LHFPL3: variants seen among roughly 807,000 people sequenced by gnomAD.
LHFPL3 encodes the protein LHFPL tetraspan subfamily member 3 protein.
In LHFPL3, 5 loss-of-function variants were observed where a neutral mutation model predicts 19.3. That is an observed-to-expected ratio of 0.26 (90% CI 0.14 to 0.54). LHFPL3 has a LOEUF of 0.54. LHFPL3 is among the 20% of genes least tolerant of loss of function. The pLI is 0.94. For missense variants in LHFPL3, 249 were observed against 307.4 expected, an observed-to-expected ratio of 0.81 and a Z score of 1.42; for synonymous variants, 133 against 126.2, an observed-to-expected ratio of 1.05 and a Z score of -0.36.
At chr7:104,689,344 G>A (rs1170548757) in intron 1 of LHFPL3, among the ~76,000 whole-genome samples, 1 of 152,200 alleles carries the variant, frequency 6.6e-6, no homozygotes, top group Non-Finnish European at 1.5e-5. Flanking sequence ...CTCCTGTAGA[G>A]CTCAGGCATT....
chr7:104,418,508 G>A (rs1289688216), intron 1 of LHFPL3, among the ~76,000 whole-genome samples: 2 of 152,072 alleles, frequency 1.3e-5, no homozygotes, highest in Non-Finnish European at 2.9e-5. Flanking sequence ...CTCCAGCCTG[G>A]GCAACAGAGT....
At position 104,522,943 on chromosome 7, in the gene LHFPL3, C is replaced by T. The variant is rs1003242260; in HGVS notation, c.445+193719C>T. ...GAGTTTGTGGAAGTAACAGGGTCAT[C>T]TGCTGTCTGTCTCTCTCTCTATATA... is the stretch of plus-strand genomic sequence containing the variant. On this transcript the variant is annotated intron_variant, in intron 1 of 2. Transcript: ENST00000424859. Among the ~76,000 whole-genome samples the T allele has an allele frequency of 5.3e-5, 8 of 151,208 alleles. No individual in the cohort carries two copies. In the South Asian group the frequency reaches 1.3e-3, roughly 24 times the overall value.
At chr7:104,530,726 G>A (rs917891839) in intron 1 of LHFPL3, among the ~76,000 whole-genome samples, 10 of 152,152 alleles carry the variant, frequency 6.6e-5, no homozygotes, top group Non-Finnish European at 1.0e-4. Flanking sequence ...ATTTAACAGC[G>A]TATTGTGCAG....
chr7:104,807,290 C>T (rs1298929343), intron 2 of LHFPL3, among the ~76,000 whole-genome samples: 2 of 152,030 alleles, frequency 1.3e-5, no homozygotes, highest in Non-Finnish European at 2.9e-5. Context: ...CAAGGAATGC[C>T]AGAGAGTGCC....
chr7:104,733,129 G>A lies in LHFPL3; in HGVS notation c.446-3546G>A, dbSNP rs978910580. 4.9e-4 allele frequency among the ~76,000 whole-genome samples: 75 copies of A among 152,286 alleles called. 1 individual carries two copies. The highest frequency in any genetic ancestry group is 1.8e-3 in the African/African-American group (75 of 41,552). ...TCTGTTCTTTTACATTTGCTGAGGA[G>A]TGCTTTACTTCCAACTATGTGGTCA... On this transcript the variant is annotated intron_variant, in intron 1 of 2. Coordinates refer to ENST00000424859, the MANE Select transcript of LHFPL3 (RefSeq NM_199000.3).
At chr7:104,334,466 G>A (rs1196339065) in intron 1 of LHFPL3, among the ~76,000 whole-genome samples, 1 of 152,200 alleles carries the variant, frequency 6.6e-6, no homozygotes, top group African/African-American at 2.4e-5. Flanking sequence ...CGAATCACTT[G>A]AACCCGCAAG....
intron 1 of LHFPL3, among the ~76,000 whole-genome samples, chr7:104,608,126 C>G (rs953611553): frequency 9.2e-5 from 14 of 152,224 alleles, no homozygotes; most frequent in African/African-American, 3.4e-4. Flanking sequence ...TACCATTTGA[C>G]CCAGCCATCC....
At chr7:104,823,159 G>T (rs1176718743) in intron 2 of LHFPL3, among the ~76,000 whole-genome samples, 1 of 152,146 alleles carries the variant, frequency 6.6e-6, no homozygotes, top group Non-Finnish European at 1.5e-5. Flanking sequence ...GTTATCAATA[G>T]CTCCCCAGAT....
Position 104,487,910 on chromosome 7 carries a change from T to G in LHFPL3, c.445+158686T>G, listed in dbSNP as rs1044029354. 3.3e-5 allele frequency among the ~76,000 whole-genome samples: 5 copies of G among 152,184 alleles called. No individual in the cohort carries two copies. The South Asian group carries it at 1.0e-3, about 32-fold the overall frequency. ...GAGGGGCAAGGGTACTATTACATGT[T>G]AGTTGGGATTCACAAACTTGGGGCT... On this transcript the variant is annotated intron_variant, in intron 1 of 2. Coordinates refer to ENST00000424859, the MANE Select transcript of LHFPL3 (RefSeq NM_199000.3).
chr7:104,458,224 T>G (rs893938643), intron 1 of LHFPL3, among the ~76,000 whole-genome samples: 1 of 152,074 alleles, frequency 6.6e-6, no homozygotes, highest in South Asian at 2.1e-4. Flanking sequence ...GCCTAGGTTT[T>G]CTTCTAGGGT....
At chr7:104,495,532 T>C (rs1007231335) in intron 1 of LHFPL3, among the ~76,000 whole-genome samples, 58 of 152,308 alleles carry the variant, frequency 3.8e-4, no homozygotes, top group African/African-American at 6.5e-4. Flanking sequence ...TACAGGCACC[T>C]GCCACCACGC....
At chr7:104,478,897 G>A (rs562154706) in intron 1 of LHFPL3, among the ~76,000 whole-genome samples, 5 of 152,282 alleles carry the variant, frequency 3.3e-5, no homozygotes, top group Admixed American at 6.5e-5. Flanking sequence ...ACATTGCCCC[G>A]GAACACAATT....
At chr7:104,690,443 T>G (rs1421124455) in intron 1 of LHFPL3, among the ~76,000 whole-genome samples, 1 of 152,264 alleles carries the variant, frequency 6.6e-6, no homozygotes, top group Non-Finnish European at 1.5e-5. Context: ...CGCAAAGATC[T>G]TGATCACTTT....
At chr7:104,655,526 A>G (rs1297888055) in intron 1 of LHFPL3, among the ~76,000 whole-genome samples, 1 of 152,234 alleles carries the variant, frequency 6.6e-6, no homozygotes, top group African/African-American at 2.4e-5. Context: ...GACAAAATGA[A>G]AAATCTAATT....
intron 1 of LHFPL3, among the ~76,000 whole-genome samples, chr7:104,393,470 C>T (rs1391984369): frequency 6.6e-6 from 1 of 152,116 alleles, no homozygotes; most frequent in African/African-American, 2.4e-5. Context: ...GTAATCCCAA[C>T]ACTTTGGGAG....
chr7:104,660,627 G>C (rs1010801847), intron 1 of LHFPL3, among the ~76,000 whole-genome samples: 1 of 152,154 alleles, frequency 6.6e-6, no homozygotes. Context: ...ACCTTCTACT[G>C]TGTATAGAGG....
At chr7:104,398,106 T>G (rs1349377150) in intron 1 of LHFPL3, among the ~76,000 whole-genome samples, 1 of 152,122 alleles carries the variant, frequency 6.6e-6, no homozygotes, top group Non-Finnish European at 1.5e-5. Flanking sequence ...TTCAACTTTC[T>G]TCTAACAGAA....
intron 2 of LHFPL3, among the ~76,000 whole-genome samples, chr7:104,860,114 G>A (rs1407269473): frequency 6.6e-6 from 1 of 151,234 alleles, no homozygotes; most frequent in African/African-American, 2.4e-5. Flanking sequence ...TGTTGGACTG[G>A]GACTTAATTT....
At chr7:104,713,292 T>C (rs752353330) in intron 1 of LHFPL3, among the ~76,000 whole-genome samples, 6 of 152,236 alleles carry the variant, frequency 3.9e-5, no homozygotes, top group Non-Finnish European at 8.8e-5. Flanking sequence ...ATTAAATGTT[T>C]CTAACTGTAT....
Sources: gnomAD v4.1 joint callset for allele counts (sites outside exome capture counted in the v4.1 genomes callset) on GRCh38, gnomAD v4.1.1 for gene constraint, MANE v1.5 for transcripts, NCBI Gene and HGNC (gene_info 2026-07-23, HGNC 2026-07-21) for gene names.